PKD2: variants seen among roughly 807,000 people sequenced by gnomAD.
PKD2 encodes the protein polycystin 2, transient receptor potential cation channel, also known as polycystin-2.
Under a neutral mutation model 105.9 loss-of-function variants are expected in PKD2, and 48 were observed. That is an observed-to-expected ratio of 0.45 (90% CI 0.36 to 0.58). The LOEUF is 0.58. PKD2 is among the 20% of genes least tolerant of loss of function. The pLI is 0.00. For missense variants in PKD2, 1,078 were observed against 1,255.3 expected (o/e 0.86, Z 2.13); for synonymous variants, 464 against 481.1 (o/e 0.96, Z 0.46).
rs772005444 is a variant in PKD2, at chr4:88,043,404, T to A, written c.1266T>A (p.Thr422=). ...NVWLDRGTRA[T]FIDFSVYNAN... is the part of the protein sequence containing the mutation. ...GGCTGGACCGAGGAACCAGGGCAAC[T>A]TTTATTGACTTCTCAGTGTACAACG... The change falls in exon 5 of 15, where the codon ACT becomes ACA. Residue 422 remains threonine (T), a synonymous_variant. Transcript: ENST00000237596. The A allele has an allele frequency of 9.3e-6, 15 of 1,614,040 alleles. No homozygotes were observed. Among genetic ancestry groups the A allele is most frequent in the Middle Eastern group, 1.6e-4 (1 of 6,062 alleles).
At chr4:88,067,652 T>A (rs185000911) in intron 12 of PKD2, among the ~76,000 whole-genome samples, 3 of 152,204 alleles carry the variant, frequency 2.0e-5, no homozygotes, top group Admixed American at 2.0e-4. Flanking sequence ...CTTCATTTAG[T>A]TTTTTCTTTG....
intron 12 of PKD2, among the ~76,000 whole-genome samples, chr4:88,066,730 A>G (rs1720810765): frequency 6.6e-6 from 1 of 151,564 alleles, no homozygotes; most frequent in Non-Finnish European, 1.5e-5. Context: ...AAAAATAAAC[A>G]TAAGTGGGCT....
Position 88,065,479 on chromosome 4 carries a change from C to T in PKD2, c.2224C>T (p.Arg742Ter), listed in dbSNP as rs121918040. The change falls in exon 11 of 15, where the codon CGA becomes TGA. Residue 742 changes from arginine to a stop codon, truncating the protein, a stop_gained. Transcript: ENST00000237596. LOFTEE classifies it high-confidence loss of function. ...GGGKLNFDEL[R>*]QDLKGKGHTD... ...AGGCAAGTTAAACTTTGACGAACTTCGACAAGATCTCAAAGGGTGAGAATC... is the reference window on the plus strand; with the variant it reads ...AGGCAAGTTAAACTTTGACGAACTTTGACAAGATCTCAAAGGGTGAGAATC... 8 of 1,613,520 alleles carry T rather than the reference C, an allele frequency of 5.0e-6. No individual in the cohort carries two copies. The highest frequency in any genetic ancestry group is 1.1e-5 in the South Asian group (1 of 91,070).
chr4:88,038,620 C>T (rs1727431990), intron 4 of PKD2, 119 bp downstream of exon 4: 2 of 1,015,484 alleles, frequency 2.0e-6, no homozygotes, highest in Non-Finnish European at 3.1e-6. Context: ...TTCAGTGACT[C>T]TTCAGTGCTT....
intron 4 of PKD2, among the ~76,000 whole-genome samples, chr4:88,042,033 C>A (rs1016336770): frequency 6.6e-6 from 1 of 152,218 alleles, no homozygotes; most frequent in Non-Finnish European, 1.5e-5. Context: ...CACAGACCAC[C>A]TTTCAATCTG....
At chr4:88,050,148 G>T (rs1720003220) in intron 6 of PKD2, among the ~76,000 whole-genome samples, 1 of 151,774 alleles carries the variant, frequency 6.6e-6, no homozygotes, top group Non-Finnish European at 1.5e-5. Flanking sequence ...CTAATTTTTT[G>T]TATTTTTAGT....
chr4:88,065,349 CTT>C lies in PKD2; in HGVS notation c.2119-22_2119-21del, dbSNP rs1052130991. The C allele has an allele frequency of 3.1e-6, 5 of 1,606,134 alleles. No individual in the cohort carries two copies. The African/African-American group carries it at 4.0e-5, about 13-fold the overall frequency. On this transcript the variant is annotated intron_variant, in intron 10 of 14. Transcript: ENST00000237596. Reference sequence around the variant, plus strand: ...AAAAGGAGAATACACTAAACCAAGTCTTTTATTTTTTCTCTCTCTGATAGGGC... The same window carrying C: ...AAAAGGAGAATACACTAAACCAAGTCTTATTTTTTCTCTCTCTGATAGGGC...
At position 88,046,735 on chromosome 4, in the gene PKD2, C is replaced by G; in HGVS notation, c.1413C>G (p.Phe471Leu). The G allele has an allele frequency of 6.2e-7, 1 of 1,613,268 alleles. No homozygotes were observed. The highest frequency in any genetic ancestry group is 8.5e-7 in the Non-Finnish European group (1 of 1,179,246). The change falls in exon 6 of 15, where the codon TTC becomes TTG. Residue 471 changes from phenylalanine to leucine, a missense_variant. This residue lies in a region of PKD2 where 868 missense variants were observed against 1,067.3 expected (regional missense o/e 0.81). Transcript: ENST00000237596. ...TCCGATATGTCACAACTTTTGATTTCTTCCTGGCAGCCTGTGAGATTATCT... is the reference window on the plus strand; with the variant it reads ...TCCGATATGTCACAACTTTTGATTTGTTCCTGGCAGCCTGTGAGATTATCT... ...KLIRYVTTFD[F>L]FLAACEIIFC...
At chr4:88,037,022 A>G (rs1052711457) in intron 3 of PKD2, among the ~76,000 whole-genome samples, 1 of 152,162 alleles carries the variant, frequency 6.6e-6, no homozygotes, top group Non-Finnish European at 1.5e-5. Flanking sequence ...TTAGCCCAGG[A>G]TTTTGAAACC....
At chr4:88,044,276 G>A (rs1366278393) in intron 5 of PKD2, among the ~76,000 whole-genome samples, 1 of 152,174 alleles carries the variant, frequency 6.6e-6, no homozygotes, top group Admixed American at 6.6e-5. Context: ...CAGAGCAAGA[G>A]GAAGTCAGAG....
chr4:88,037,076 A>T (rs189159509), intron 3 of PKD2, among the ~76,000 whole-genome samples: 52 of 152,244 alleles, frequency 3.4e-4, no homozygotes, highest in African/African-American at 1.2e-3. Context: ...CAAAAAAGTT[A>T]AAGAATTAGC....
chr4:88,077,156 G>T lies in PKD2; in HGVS notation c.*1462G>T, dbSNP rs1287521650. 1.3e-5 allele frequency: 2 copies of T among 152,554 alleles called. No homozygotes were observed. Among genetic ancestry groups the T allele is most frequent in the Non-Finnish European group, 2.9e-5 (2 of 68,038 alleles). 9.5% of individuals were successfully genotyped at this position (152,554 alleles called of 1,614,324 possible). Reference sequence around the variant, plus strand: ...TCACTTGGAGAACCAAGAGAATCCTGTCGTTTAATGCTATATTTTAATTTC... The same window carrying T: ...TCACTTGGAGAACCAAGAGAATCCTTTCGTTTAATGCTATATTTTAATTTC... On this transcript the variant is annotated 3_prime_UTR_variant, in exon 15 of 15. Transcript: ENST00000237596.
At position 88,076,704 on chromosome 4, in the gene PKD2, G is replaced by A. The variant is rs144024108; in HGVS notation, c.*1010G>A. The A allele has an allele frequency of 3.4e-4, 52 of 152,172 alleles. No individual in the cohort carries two copies. The highest frequency in any genetic ancestry group is 5.7e-4 in the Non-Finnish European group (39 of 68,016). The allele number at this position is 152,172 out of a possible 1,614,324, so 9.4% of individuals were successfully genotyped here. A position where few individuals can be genotyped will look rare whatever the true frequency, so the allele number is the denominator to read the frequency against. On this transcript the variant is annotated 3_prime_UTR_variant, in exon 15 of 15. Coordinates refer to ENST00000237596, the MANE Select transcript of PKD2 (RefSeq NM_000297.4). ...AAACTATTTTAAGAATATAGTACTCGGTCAGGTATGACGGCTCACGCCTGT... is the reference window on the plus strand; with the variant it reads ...AAACTATTTTAAGAATATAGTACTCAGTCAGGTATGACGGCTCACGCCTGT...
In PKD2 at chr4:88,075,956, G is replaced by A. The variant is rs971644071; in HGVS notation, c.*262G>A. 14 of 420,958 alleles carry A rather than the reference G, an allele frequency of 3.3e-5. No homozygotes were observed. Among genetic ancestry groups the A allele is most frequent in the Non-Finnish European group, 5.2e-5 (12 of 231,328 alleles). The allele number at this position is 420,958 out of a possible 1,614,324, so 26.1% of individuals were successfully genotyped here. A position where few individuals can be genotyped will look rare whatever the true frequency, so the allele number is the denominator to read the frequency against. On this transcript the variant is annotated 3_prime_UTR_variant, in exon 15 of 15. Coordinates refer to ENST00000237596, the MANE Select transcript of PKD2 (RefSeq NM_000297.4). The stretch of plus-strand genomic sequence containing the variant: ...CTTCATGATGTGTATTGAGCGGTAC[G>A]CCCAGTTGCCACCATGACTGAGTCT...
chr4:88,056,252 C>A lies in PKD2; in HGVS notation c.1883C>A (p.Thr628Asn). The change falls in exon 8 of 15, where the codon ACT (threonine) becomes AAT (asparagine). Residue 628 changes from threonine to asparagine, a missense_variant. By Grantham distance (65) the Thr-to-Asn change is moderately conservative. Coordinates refer to ENST00000237596, the MANE Select transcript of PKD2 (RefSeq NM_000297.4). ...VFGTQVDDFS[T>N]FQECIFTQFR... The stretch of plus-strand genomic sequence containing the variant: ...GGCACTCAGGTCGATGACTTCAGTA[C>A]TTTCCAAGAGTGTATGTAAGTATAT... 2 of 1,609,316 alleles carry A rather than the reference C, an allele frequency of 1.2e-6. No individual in the cohort carries two copies. The highest frequency in any genetic ancestry group is 1.7e-6 in the Non-Finnish European group (2 of 1,175,860).
chr4:88,025,777 T>C (rs1226811363), intron 2 of PKD2, among the ~76,000 whole-genome samples: 1 of 152,218 alleles, frequency 6.6e-6, no homozygotes, highest in Non-Finnish European at 1.5e-5. Context: ...GGGGATGGTT[T>C]CCCCTCTGCT....
chr4:88,043,162 G>T, intron 4 of PKD2, 71 bp from the exon 5 acceptor site: 1 of 951,976 alleles, frequency 1.1e-6, no homozygotes, highest in South Asian at 1.3e-5. Flanking sequence ...CAAGGAACCA[G>T]CTGTCCTTGT....
intron 9 of PKD2, among the ~76,000 whole-genome samples, chr4:88,061,020 A>G (rs976814197): frequency 6.6e-6 from 1 of 152,258 alleles, no homozygotes; most frequent in Admixed American, 6.5e-5. Flanking sequence ...GCTTGACTCC[A>G]AAGTCTATCT....
At chr4:88,018,694 C>T (rs947758647) in intron 1 of PKD2, among the ~76,000 whole-genome samples, 7 of 152,194 alleles carry the variant, frequency 4.6e-5, no homozygotes, top group African/African-American at 1.7e-4. Context: ...TGGAGGGTTA[C>T]GTCATCTTCA....
Sources: gnomAD v4.1 joint callset for allele counts (sites outside exome capture counted in the v4.1 genomes callset) on GRCh38, gnomAD v4.1.1 for gene constraint, gnomAD v4.1.1 regional missense constraint, MANE v1.5 for transcripts, NCBI Gene and HGNC (gene_info 2026-07-23, HGNC 2026-07-21) for gene names.